The following PCDH11Y variants were observed in gnomAD, a reference collection of about 807,000 sequenced individuals.
The protein encoded by PCDH11Y is protocadherin-11 Y-linked.
For synonymous variants in PCDH11Y, 9 were observed against 83.6 expected (o/e 0.11, Z 4.87); for missense variants, 12 against 224.8 (o/e 0.05, Z 6.05).
intron 2 of PCDH11Y, among the ~76,000 whole-genome samples, chrY:5,493,607 A>G: frequency 3.0e-5 from 1 of 33,319 alleles, no homozygotes; most frequent in South Asian, 6.7e-4. Context: ...AAAAGGGTTA[A>G]TAGCATCATA....
intron 2 of PCDH11Y, among the ~76,000 whole-genome samples, chrY:5,486,690 TATATATATATATATACAC>T (rs2053332089): frequency 2.1e-3 from 18 of 8,389 alleles, no homozygotes; most frequent in South Asian, 0.014. Flanking sequence ...TATATATATA[TATATATATATATATACAC>T]ATATATATAT....
chrY:5,634,866 A>G, intron 4 of PCDH11Y, among the ~76,000 whole-genome samples: 1 of 31,645 alleles, frequency 3.2e-5, no homozygotes, highest in Non-Finnish European at 7.6e-5. Flanking sequence ...TTTAGTTAAT[A>G]AAATATGTTT....
intron 2 of PCDH11Y, among the ~76,000 whole-genome samples, chrY:5,326,667 A>G: frequency 6.1e-5 from 2 of 32,679 alleles, no homozygotes; most frequent in African/African-American, 1.2e-4. Flanking sequence ...TAATGTGGGA[A>G]GCCAGATTGA....
At chrY:5,363,854 T>C (rs2053177547) in intron 2 of PCDH11Y, among the ~76,000 whole-genome samples, 2 of 18,031 alleles carry the variant, frequency 1.1e-4, no homozygotes, top group African/African-American at 4.6e-4. Context: ...TCTTTCTTTT[T>C]TTTTTTTTTT....
At chrY:5,120,341 T>C in intron 2 of PCDH11Y, among the ~76,000 whole-genome samples, 1 of 30,709 alleles carries the variant, frequency 3.3e-5, no homozygotes, top group Non-Finnish European at 7.9e-5. Context: ...ATTTTAAAGA[T>C]TGAGCTCTCA....
At chrY:5,375,131 G>C in intron 2 of PCDH11Y, among the ~76,000 whole-genome samples, 1 of 32,978 alleles carries the variant, frequency 3.0e-5, no homozygotes, top group Non-Finnish European at 7.4e-5. Context: ...GTAGCTATTT[G>C]AGAAAGTGCC....
rs367948332 is a variant in PCDH11Y at position 5,395,725 on chromosome Y, C to G, written c.3130-105332C>G. Among the ~76,000 whole-genome samples the G allele has an allele frequency of 1.5e-4, 5 of 32,745 alleles. No homozygotes were observed. The South Asian group carries it at 3.4e-3, about 22-fold the overall frequency. The allele number at this position is 32,745 out of a possible 37,273, so 87.9% of individuals were successfully genotyped here. ...GAATTTTACCATGGACACCATATACCAAGATCACTCAAAAACTTAATTTCT... is the reference window on the plus strand; with the variant it reads ...GAATTTTACCATGGACACCATATACGAAGATCACTCAAAAACTTAATTTCT... On this transcript the variant is annotated intron_variant, in intron 2 of 4. Transcript: ENST00000400457.
At chrY:5,376,458 C>T (rs2124673903) in intron 2 of PCDH11Y, among the ~76,000 whole-genome samples, 1 of 33,420 alleles carries the variant, frequency 3.0e-5, no homozygotes, top group Non-Finnish European at 7.4e-5. Context: ...CCACCACGCC[C>T]GGCCTAGAAT....
chrY:5,002,024 C>G, intron 1 of PCDH11Y, among the ~76,000 whole-genome samples: 1 of 33,708 alleles, frequency 3.0e-5, no homozygotes, highest in East Asian at 7.9e-4. Context: ...GGCCTACACC[C>G]ACAAAGCAAA....
intron 4 of PCDH11Y, among the ~76,000 whole-genome samples, chrY:5,599,544 G>T: frequency 3.0e-5 from 1 of 32,871 alleles, no homozygotes. Context: ...ATATATATTG[G>T]TTTCTCATTG....
intron 2 of PCDH11Y, among the ~76,000 whole-genome samples, chrY:5,194,167 GGCTCACACCAGTAAT>G (rs2052915902): frequency 1.2e-4 from 4 of 32,708 alleles, no homozygotes; most frequent in African/African-American, 2.4e-4. Context: ...TAGACATGGT[GGCTCACACCAGTAAT>G]GCCAACACTT....
At chrY:5,432,266 G>A (rs207480359) in intron 2 of PCDH11Y, among the ~76,000 whole-genome samples, 2 of 32,832 alleles carry the variant, frequency 6.1e-5, no homozygotes, top group African/African-American at 1.2e-4. Flanking sequence ...CACAATTACC[G>A]TGGAAAAAAT....
chrY:5,388,667 A>C, intron 2 of PCDH11Y, among the ~76,000 whole-genome samples: 1 of 33,486 alleles, frequency 3.0e-5, no homozygotes, highest in Non-Finnish European at 7.4e-5. Context: ...TTTGAGCTGG[A>C]ACTGCAAGCT....
chrY:5,735,551 C>A, intron 4 of PCDH11Y, among the ~76,000 whole-genome samples: 1 of 33,238 alleles, frequency 3.0e-5, no homozygotes, highest in South Asian at 6.6e-4. Context: ...TTTTGTGGAT[C>A]TATTTCTGGA....
chrY:5,559,968 T>C (rs2053427204), intron 3 of PCDH11Y, among the ~76,000 whole-genome samples: 2 of 32,750 alleles, frequency 6.1e-5, no homozygotes, highest in Admixed American at 5.6e-4. Flanking sequence ...CAGAAGAAGA[T>C]AGGAAAATGT....
At chrY:5,630,678 A>T (rs2053511711) in intron 4 of PCDH11Y, among the ~76,000 whole-genome samples, 1 of 33,147 alleles carries the variant, frequency 3.0e-5, no homozygotes, top group Non-Finnish European at 7.5e-5. Context: ...CAATGAAATA[A>T]TTTTTTTTAA....
intron 1 of PCDH11Y, among the ~76,000 whole-genome samples, chrY:5,073,243 T>C: frequency 6.1e-5 from 2 of 32,901 alleles, no homozygotes; most frequent in Non-Finnish European, 1.5e-4. Context: ...TGTATAAATG[T>C]TGCAGCTTTC....
At chrY:5,028,755 A>G in intron 1 of PCDH11Y, among the ~76,000 whole-genome samples, 1 of 33,476 alleles carries the variant, frequency 3.0e-5, no homozygotes, top group Non-Finnish European at 7.4e-5. Flanking sequence ...CCGGGGTGAC[A>G]AAGCGAAAAC....
chrY:5,684,060 C>A (rs2053560910), intron 4 of PCDH11Y, among the ~76,000 whole-genome samples: 1 of 32,540 alleles, frequency 3.1e-5, no homozygotes, highest in Non-Finnish European at 7.6e-5. Context: ...TGCAAACTAC[C>A]CATTTGACAA....
Sources: allele counts gnomAD v4.1 joint callset (sites outside exome capture counted in the v4.1 genomes callset), GRCh38; gene constraint gnomAD v4.1.1; transcripts MANE v1.5; gene names NCBI Gene and HGNC (gene_info 2026-07-23, HGNC 2026-07-21).